The following FOXO3 variants were observed in gnomAD, a reference collection of about 807,000 sequenced individuals.
FOXO3 encodes the protein forkhead box O3.
FOXO3 carries 4 observed loss-of-function variants against 41.9 expected under a neutral mutation model. The observed-to-expected ratio is 0.10, with a 90% CI of 0.05 to 0.22. FOXO3 has a LOEUF of 0.22. Ranked by LOEUF, FOXO3 falls within the 10% of genes least tolerant of loss-of-function variation. The probability of loss-of-function intolerance (pLI) is 1.00; values close to 1 mark genes in which losing one functional copy is unlikely to be tolerated. For missense variants in FOXO3, 534 were observed against 906.8 expected (o/e 0.59, Z 5.28); for synonymous variants, 318 against 389.3 (o/e 0.82, Z 2.16).
At chr6:108,598,524 G>A (rs78061564) in intron 1 of FOXO3, among the ~76,000 whole-genome samples, 2,862 of 152,184 alleles carry the variant, frequency 0.019, 135 homozygotes, top group Admixed American at 0.092. Flanking sequence ...GCTGGGCCCT[G>A]GTGGGAAATG....
chr6:108,593,597 C>CT (rs1186543089), intron 1 of FOXO3, among the ~76,000 whole-genome samples: 1 of 151,708 alleles, frequency 6.6e-6, no homozygotes, highest in Non-Finnish European at 1.5e-5. Flanking sequence ...AGGTTGGTCT[C>CT]TAACTCCTGG....
chr6:108,572,832 A>T (rs1032878606), intron 1 of FOXO3, among the ~76,000 whole-genome samples: 1 of 152,180 alleles, frequency 6.6e-6, no homozygotes. Flanking sequence ...AGGCATTTAA[A>T]TGTAAGCCTC....
intron 1 of FOXO3, among the ~76,000 whole-genome samples, chr6:108,652,201 G>T (rs1453950882): frequency 2.0e-5 from 3 of 152,192 alleles, no homozygotes; most frequent in Admixed American, 2.0e-4. Flanking sequence ...ATATGTAGAA[G>T]TTCAGTTTAT....
chr6:108,672,718 C>T, intron 2 of FOXO3, among the ~76,000 whole-genome samples: 1 of 152,100 alleles, frequency 6.6e-6, no homozygotes, highest in East Asian at 1.9e-4. Flanking sequence ...CCTCTCTCTC[C>T]CTCCCTCTCC....
chr6:108,607,782 T>G (rs2128368384), intron 1 of FOXO3, among the ~76,000 whole-genome samples: 1 of 152,314 alleles, frequency 6.6e-6, no homozygotes, highest in South Asian at 2.1e-4. Context: ...AATTTATTCA[T>G]TCACTCAATA....
At chr6:108,600,162 C>T (rs1397034645) in intron 1 of FOXO3, among the ~76,000 whole-genome samples, 1 of 152,140 alleles carries the variant, frequency 6.6e-6, no homozygotes, top group East Asian at 1.9e-4. Flanking sequence ...ACTGACATAA[C>T]CTGGTTTGTA....
chr6:108,624,778 A>T (rs1262735620), intron 1 of FOXO3, among the ~76,000 whole-genome samples: 2 of 151,772 alleles, frequency 1.3e-5, no homozygotes, highest in African/African-American at 4.8e-5. Context: ...ATACATATAA[A>T]TTTTTTTTGC....
chr6:108,604,045 T>A (rs1777124933), intron 1 of FOXO3, among the ~76,000 whole-genome samples: 4 of 152,312 alleles, frequency 2.6e-5, no homozygotes, highest in Admixed American at 1.3e-4. Flanking sequence ...GATCACATCC[T>A]GCAAACAACT....
At chr6:108,631,069 T>C (rs1453113807) in intron 1 of FOXO3, among the ~76,000 whole-genome samples, 1 of 152,238 alleles carries the variant, frequency 6.6e-6, no homozygotes, top group East Asian at 1.9e-4. Flanking sequence ...ATTATACTGC[T>C]TTCTTAAACT....
intron 1 of FOXO3, among the ~76,000 whole-genome samples, chr6:108,590,630 T>G (rs1470042179): frequency 6.6e-6 from 1 of 152,184 alleles, no homozygotes; most frequent in East Asian, 1.9e-4. Flanking sequence ...CACTTCCAGG[T>G]AATTTGGATG....
At chr6:108,573,980 C>T (rs1037741761) in intron 1 of FOXO3, among the ~76,000 whole-genome samples, 3 of 151,650 alleles carry the variant, frequency 2.0e-5, no homozygotes, top group Non-Finnish European at 2.9e-5. Flanking sequence ...GGTGAAATCC[C>T]GTCTCTACTA....
intron 1 of FOXO3, among the ~76,000 whole-genome samples, chr6:108,622,954 G>T (rs1441638559): frequency 1.3e-5 from 2 of 151,656 alleles, no homozygotes; most frequent in Non-Finnish European, 2.9e-5. Context: ...AAAAAAGCTG[G>T]AAGAGTTCCC....
intron 1 of FOXO3, among the ~76,000 whole-genome samples, chr6:108,566,711 C>T (rs1036646449): frequency 3.9e-5 from 6 of 152,130 alleles, no homozygotes; most frequent in Non-Finnish European, 8.8e-5. Context: ...CTTATTTTGC[C>T]TATAGGGACA....
chr6:108,622,105 A>G (rs986551501), intron 1 of FOXO3, among the ~76,000 whole-genome samples: 2 of 151,986 alleles, frequency 1.3e-5, no homozygotes, highest in Non-Finnish European at 2.9e-5. Context: ...AACAATACAA[A>G]AAAATTAGCT....
At chr6:108,580,175 T>G (rs1469855529) in intron 1 of FOXO3, among the ~76,000 whole-genome samples, 2 of 141,730 alleles carry the variant, frequency 1.4e-5, no homozygotes, top group Non-Finnish European at 3.0e-5. Context: ...GAGTATTAGC[T>G]CTTCTTCATT....
intron 1 of FOXO3, among the ~76,000 whole-genome samples, chr6:108,610,564 C>T (rs1777332619): frequency 6.6e-6 from 1 of 152,118 alleles, no homozygotes; most frequent in Admixed American, 6.6e-5. Context: ...AGAACGCATT[C>T]ATACTCTGTT....
upstream of FOXO3, chr6:108,559,854 A>C (rs1298095003): frequency 6.6e-6 from 1 of 152,170 alleles, no homozygotes; most frequent in Non-Finnish European, 1.5e-5. Flanking sequence ...AGGAATGTGG[A>C]AGGTGGCGGC....
At chr6:108,569,641 C>A (rs1477096426) in intron 1 of FOXO3, among the ~76,000 whole-genome samples, 1 of 152,140 alleles carries the variant, frequency 6.6e-6, no homozygotes, top group Non-Finnish European at 1.5e-5. Context: ...TCTAGTAATT[C>A]CGCTACTCCT....
At position 108,637,455 on chromosome 6, in the gene FOXO3, C is replaced by T. The variant is rs1014754916; in HGVS notation, c.622-26000C>T. 3.9e-5 allele frequency among the ~76,000 whole-genome samples: 6 copies of T among 152,238 alleles called. No homozygotes were observed. The Middle Eastern group carries it at 0.01, about 259-fold the overall frequency. On this transcript the variant is annotated intron_variant, in intron 1 of 2. Coordinates refer to ENST00000406360, the MANE Select transcript of FOXO3 (RefSeq NM_001455.4). ...TCCCCCAGAATACTGGGGGGCAAATCTCGTTCAATAATAGAAAGGTATGGT... is the reference window on the plus strand; with the variant it reads ...TCCCCCAGAATACTGGGGGGCAAATTTCGTTCAATAATAGAAAGGTATGGT...
Sources: allele counts gnomAD v4.1 joint callset (sites outside exome capture counted in the v4.1 genomes callset), GRCh38; gene constraint gnomAD v4.1.1; transcripts MANE v1.5; gene names NCBI Gene and HGNC (gene_info 2026-07-23, HGNC 2026-07-21).